POGZ: variants seen among roughly 807,000 people sequenced by gnomAD.
POGZ encodes pogo transposable element with ZNF domain.
A neutral mutation model predicts 134.6 loss-of-function variants in POGZ; 17 were observed. That is an observed-to-expected ratio of 0.13 (90% CI 0.09 to 0.19). POGZ has a LOEUF of 0.19. Ranked by LOEUF, POGZ falls within the 10% of genes least tolerant of loss-of-function variation. The probability of loss-of-function intolerance (pLI) is 1.00; values close to 1 mark genes in which losing one functional copy is unlikely to be tolerated. For missense variants in POGZ, 1,306 were observed against 1,769.7 expected, an observed-to-expected ratio of 0.74 and a Z score of 4.70; for synonymous variants, 693 against 657.1, an observed-to-expected ratio of 1.05 and a Z score of -0.84.
intron 3 of POGZ, among the ~76,000 whole-genome samples, chr1:151,434,913 T>C (rs1017924981): frequency 6.2e-5 from 9 of 145,772 alleles, no homozygotes; most frequent in Non-Finnish European, 1.4e-4. Flanking sequence ...TCATTCTTTC[T>C]TTTTTTTTTT....
intron 10 of POGZ, among the ~76,000 whole-genome samples, chr1:151,423,149 G>C (rs1258626169): frequency 6.6e-6 from 1 of 152,110 alleles, no homozygotes; most frequent in East Asian, 1.9e-4. Context: ...TTTCTACAGT[G>C]GTTCTGAATC....
chr1:151,458,914 G>C (rs1663151727), intron 1 of POGZ, among the ~76,000 whole-genome samples: 14 of 145,080 alleles, frequency 9.6e-5, no homozygotes, highest in Admixed American at 8.2e-4. Context: ...CGCGGCCCGG[G>C]GCGCACGCAC....
chr1:151,411,522 T>C (rs771401292), intron 12 of POGZ, 103 bp downstream of exon 12: 83 of 767,552 alleles, frequency 1.1e-4, no homozygotes, highest in Non-Finnish European at 1.7e-4. Context: ...ATGCATATTA[T>C]AATCTCTGCC....
intron 10 of POGZ, among the ~76,000 whole-genome samples, 160 bp from the exon 11 acceptor site, chr1:151,412,556 A>T (rs1389319461): frequency 6.6e-6 from 1 of 152,188 alleles, no homozygotes; most frequent in Non-Finnish European, 1.5e-5. Flanking sequence ...ACCTTAACAT[A>T]TATGTTGCTG....
intron 1 of POGZ, among the ~76,000 whole-genome samples, chr1:151,451,905 T>A (rs1178275578): frequency 6.6e-6 from 1 of 151,526 alleles, no homozygotes; most frequent in Non-Finnish European, 1.5e-5. Context: ...GAGACCAGCC[T>A]GACCAATATG....
intron 10 of POGZ, 28 bp downstream of exon 10, chr1:151,423,369 C>A: frequency 6.2e-7 from 1 of 1,601,252 alleles, no homozygotes; most frequent in Non-Finnish European, 8.6e-7. Flanking sequence ...GGTATATTCC[C>A]CTTGAGTTTA....
intron 10 of POGZ, among the ~76,000 whole-genome samples, chr1:151,417,226 G>A (rs1290163137): frequency 6.7e-6 from 1 of 149,700 alleles, no homozygotes; most frequent in African/African-American, 2.5e-5. Flanking sequence ...ACCACACACG[G>A]CTAACTTTTT....
At position 151,414,037 on chromosome 1, in the gene POGZ, A is replaced by C. The variant is rs182416952; in HGVS notation, c.1679-1641T>G. On this transcript the variant is annotated intron_variant, in intron 10 of 18. Coordinates refer to ENST00000271715, the MANE Select transcript of POGZ (RefSeq NM_015100.4). ...GAGGTCTGCAACTCCATTTAGAAAC[A>C]CTGTCTACAGGTACATTAGGTGCTA... Among the ~76,000 whole-genome samples, 11 of 152,332 alleles carry C rather than the reference A, an allele frequency of 7.2e-5. No homozygotes were observed. In the East Asian group the frequency reaches 2.1e-3, roughly 29 times the overall value.
In POGZ at chr1:151,404,442, G is replaced by T; in HGVS notation, c.*360C>A. ...CTATGATACAATTGAGGTAAAAGGG[G>T]AAACAAAAAAATTTAACATTTGCCC... On this transcript the variant is annotated 3_prime_UTR_variant, in exon 19 of 19. Coordinates refer to ENST00000271715, the MANE Select transcript of POGZ (RefSeq NM_015100.4). 1.0e-6 allele frequency: 1 copy of T among 1,004,158 alleles called. No homozygotes were observed. Among genetic ancestry groups the T allele is most frequent in the Non-Finnish European group, 1.2e-6 (1 of 841,334 alleles). The allele number at this position is 1,004,158 out of a possible 1,614,324, so 62.2% of individuals were successfully genotyped here.
chr1:151,408,146 G>C lies in POGZ; in HGVS notation c.2329C>G (p.Arg777Gly). The part of the protein sequence containing the change: ...FPTYVHCSLC[R>G]YSTCCSRAYA... ...GCTCGAGAACAGCAGGTGCTATAGC[G>C]ACACAGAGAGCAGTGTACGTAAGTA... Residue 777 changes from arginine to glycine, a missense_variant, in exon 15 of 19, where the codon CGC becomes GGC. Transcript: ENST00000271715. 1 of 1,612,822 alleles carries C rather than the reference G, an allele frequency of 6.2e-7. No homozygotes were observed. The highest frequency in any genetic ancestry group is 8.5e-7 in the Non-Finnish European group (1 of 1,179,112).
intron 3 of POGZ, among the ~76,000 whole-genome samples, chr1:151,433,475 G>C (rs1370617380): frequency 6.6e-6 from 1 of 151,980 alleles, no homozygotes; most frequent in African/African-American, 2.4e-5. Flanking sequence ...AGGCGTAGTG[G>C]CGCATGCCTG....
chr1:151,418,676 T>A (rs114910290), intron 10 of POGZ, among the ~76,000 whole-genome samples: 2,476 of 152,256 alleles, frequency 0.016, 59 homozygotes, highest in African/African-American at 0.057. Context: ...TATTAGATTA[T>A]CACATGCATC....
chr1:151,440,087 T>C (rs921085267), intron 3 of POGZ, among the ~76,000 whole-genome samples: 6 of 151,980 alleles, frequency 3.9e-5, no homozygotes, highest in Admixed American at 6.6e-5. Context: ...ATATAACATA[T>C]AGATGTATAT....
intron 1 of POGZ, among the ~76,000 whole-genome samples, chr1:151,449,601 T>C (rs906735246): frequency 1.3e-5 from 2 of 152,132 alleles, no homozygotes; most frequent in African/African-American, 2.4e-5. Flanking sequence ...TTTTTAAAAA[T>C]ATTTGTCCTC....
chr1:151,407,695 A>G (rs973962300), intron 15 of POGZ, among the ~76,000 whole-genome samples: 2 of 152,168 alleles, frequency 1.3e-5, no homozygotes, highest in Admixed American at 6.6e-5. Flanking sequence ...AGCAGGGGAG[A>G]AAATGAAATG....
At position 151,446,592 on chromosome 1, in the gene POGZ, C is replaced by T. The variant is rs1261625139; in HGVS notation, c.-1-4387G>A. Among the ~76,000 whole-genome samples, 3 of 151,740 alleles carry T rather than the reference C, an allele frequency of 2.0e-5. No individual in the cohort carries two copies. In the East Asian group the frequency reaches 5.8e-4, roughly 29 times the overall value. On this transcript the variant is annotated intron_variant, in intron 1 of 18. Transcript: ENST00000271715. ...CTAACATAGTGAAACCCCATCTCTA[C>T]TAAAAATACAAAAATTAGCCAGGTG...
At chr1:151,410,782 T>C (rs1198056288) in intron 12 of POGZ, among the ~76,000 whole-genome samples, 3 of 152,178 alleles carry the variant, frequency 2.0e-5, no homozygotes, top group Admixed American at 6.5e-5. Flanking sequence ...ACAAATATAC[T>C]TTCTCTATTG....
intron 10 of POGZ, 114 bp downstream of exon 10, chr1:151,423,283 C>A: frequency 3.6e-6 from 3 of 844,798 alleles, no homozygotes; most frequent in Admixed American, 2.6e-5. Flanking sequence ...ATGAAAAGTA[C>A]TTCCTCTACA....
At chr1:151,417,377 T>TG (rs1344128989) in intron 10 of POGZ, among the ~76,000 whole-genome samples, 1 of 149,310 alleles carries the variant, frequency 6.7e-6, no homozygotes, top group Non-Finnish European at 1.5e-5. Context: ...TTTTTTTTTT[T>TG]GAGACAGCGT....
Sources: allele counts gnomAD v4.1 joint callset (sites outside exome capture counted in the v4.1 genomes callset), GRCh38; gene constraint gnomAD v4.1.1; transcripts MANE v1.5; gene names NCBI Gene and HGNC (gene_info 2026-07-23, HGNC 2026-07-21).